CAPZA2: variants seen among roughly 807,000 people sequenced by gnomAD.
CAPZA2 encodes the protein F-actin-capping protein subunit alpha-2.
In CAPZA2, 13 loss-of-function variants were observed where a neutral mutation model predicts 44.0. The observed-to-expected ratio is 0.30, with a 90% CI of 0.19 to 0.47. CAPZA2 has a LOEUF of 0.47. Ranked by LOEUF, CAPZA2 falls within the 20% of genes least tolerant of loss-of-function variation. The pLI is 1.00. For missense variants in CAPZA2, 244 were observed against 338.6 expected, an observed-to-expected ratio of 0.72 and a Z score of 2.19; for synonymous variants, 94 against 108.2, an observed-to-expected ratio of 0.87 and a Z score of 0.81.
chr7:116,868,569 C>G (rs1328854370), intron 1 of CAPZA2, among the ~76,000 whole-genome samples: 1 of 152,060 alleles, frequency 6.6e-6, no homozygotes, highest in Non-Finnish European at 1.5e-5. Flanking sequence ...CCTGTCTGTA[C>G]TAAAAGTACA....
intron 1 of CAPZA2, among the ~76,000 whole-genome samples, chr7:116,883,918 A>G (rs1181405310): frequency 6.6e-6 from 1 of 152,226 alleles, no homozygotes; most frequent in Non-Finnish European, 1.5e-5. Flanking sequence ...TGTATAAGTC[A>G]TTAGGAGTAT....
At chr7:116,863,264 C>G (rs564659273) in intron 1 of CAPZA2, among the ~76,000 whole-genome samples, 26 of 152,228 alleles carry the variant, frequency 1.7e-4, no homozygotes, top group African/African-American at 6.3e-4. Context: ...TCTTTCCTTT[C>G]GTGGCTCTAG....
rs867044224 is a variant in CAPZA2 at position 116,890,595 on chromosome 7, T to C, written c.104-2399T>C. On this transcript the variant is annotated intron_variant, in intron 2 of 9. Transcript: ENST00000361183. ...ACATATATATATATATATATATATATATACACACACACACACACATATATA... is the reference window on the plus strand; with the variant it reads ...ACATATATATATATATATATATATACATACACACACACACACACATATATA... Among the ~76,000 whole-genome samples the C allele has an allele frequency of 9.4e-4, 45 of 47,984 alleles. 1 individual carries two copies. The highest frequency in any genetic ancestry group is 1.3e-3 in the East Asian group (2 of 1,590). The allele number at this position is 47,984 out of a possible 152,430, so 31.5% of individuals were successfully genotyped here. A position where few individuals can be genotyped will look rare whatever the true frequency, so the allele number is the denominator to read the frequency against.
At chr7:116,916,598 C>T (rs533688573) in intron 9 of CAPZA2, among the ~76,000 whole-genome samples, 1 of 152,258 alleles carries the variant, frequency 6.6e-6, no homozygotes, top group Admixed American at 6.5e-5. Context: ...TGCACTCCAG[C>T]CTGGTGACAG....
intron 3 of CAPZA2, among the ~76,000 whole-genome samples, chr7:116,895,581 T>G (rs1386132926): frequency 6.6e-6 from 1 of 152,068 alleles, no homozygotes; most frequent in African/African-American, 2.4e-5. Flanking sequence ...GCTTATAGTA[T>G]GACCCTCAGA....
intron 6 of CAPZA2, 198 bp downstream of exon 6, chr7:116,906,540 G>A: frequency 1.1e-6 from 1 of 894,754 alleles, no homozygotes; most frequent in East Asian, 3.1e-5. Context: ...TAAATCTGTT[G>A]ACATTCAGTG....
intron 4 of CAPZA2, among the ~76,000 whole-genome samples, chr7:116,902,080 T>G (rs565655783): frequency 6.6e-6 from 1 of 152,214 alleles, no homozygotes; most frequent in South Asian, 2.1e-4. Flanking sequence ...AACCAGAATT[T>G]AGTCTCAGAA....
rs577872962 is a variant in CAPZA2, at chr7:116,871,065, T to G, written c.39+8415T>G. Reference sequence around the variant, plus strand: ...CAGCTCCAGAGATTATATAGAGATTTGAGAATCCTCTTTTTGTGGGTTAAA... The same window carrying G: ...CAGCTCCAGAGATTATATAGAGATTGGAGAATCCTCTTTTTGTGGGTTAAA... On this transcript the variant is annotated intron_variant, in intron 1 of 9. Transcript: ENST00000361183. Among the ~76,000 whole-genome samples the G allele has an allele frequency of 1.0e-3, 159 of 152,296 alleles. 1 individual carries two copies. The highest frequency in any genetic ancestry group is 3.5e-3 in the African/African-American group (147 of 41,544).
At position 116,921,592 on chromosome 7, in the gene CAPZA2, A is replaced by C. The variant is rs1167696269; in HGVS notation, c.*3725A>C. On this transcript the variant is annotated 3_prime_UTR_variant, in exon 10 of 10. Transcript: ENST00000361183. ...CAGCTACTCAGGAGGCTGAGGCAGG[A>C]GAATCTTTGAACCCAGGAAGTGACA... The C allele has an allele frequency of 9.2e-5, 14 of 152,306 alleles. No individual in the cohort carries two copies. The highest frequency in any genetic ancestry group is 9.2e-4 in the Admixed American group (14 of 15,282). The allele number at this position is 152,306 out of a possible 1,614,324, so 9.4% of individuals were successfully genotyped here. A position where few individuals can be genotyped will look rare whatever the true frequency, so the allele number is the denominator to read the frequency against.
rs922094474 is a variant in CAPZA2, at chr7:116,920,753, A to G, written c.*2886A>G. 1.3e-5 allele frequency: 2 copies of G among 152,372 alleles called. No individual in the cohort carries two copies. Among genetic ancestry groups the G allele is most frequent in the Non-Finnish European group, 1.5e-5 (1 of 68,162 alleles). 9.4% of individuals were successfully genotyped at this position (152,372 alleles called of 1,614,324 possible). The stretch of plus-strand genomic sequence containing the variant: ...AATGGGAAAGTGCATGAACCTGGAA[A>G]CAATTTTATAGGCAGACAGGATGAA... On this transcript the variant is annotated 3_prime_UTR_variant, in exon 10 of 10. Coordinates refer to ENST00000361183, the MANE Select transcript of CAPZA2 (RefSeq NM_006136.3).
chr7:116,871,009 C>T (rs1010770907), intron 1 of CAPZA2, among the ~76,000 whole-genome samples: 1 of 151,950 alleles, frequency 6.6e-6, no homozygotes, highest in Non-Finnish European at 1.5e-5. Context: ...CTAGCAGATA[C>T]GGAGATAGAG....
At chr7:116,877,361 A>G (rs1796635765) in intron 1 of CAPZA2, among the ~76,000 whole-genome samples, 1 of 152,226 alleles carries the variant, frequency 6.6e-6, no homozygotes. Context: ...GTGCAGTTTC[A>G]CCACAGTAGA....
At chr7:116,873,431 A>T (rs1796577183) in intron 1 of CAPZA2, 1 of 152,054 alleles carries the variant, frequency 6.6e-6, no homozygotes, top group East Asian at 1.9e-4. Flanking sequence ...AATTTTTTTT[A>T]ATTTTTGTTA....
chr7:116,904,983 A>AAAAAAAAAAC (rs1661267653), intron 5 of CAPZA2, among the ~76,000 whole-genome samples: 2 of 149,944 alleles, frequency 1.3e-5, no homozygotes, highest in South Asian at 4.2e-4. Flanking sequence ...AAAAAAAAAA[A>AAAAAAAAAAC]AAAAAACAAT....
chr7:116,916,967 G>A (rs1299118201), intron 9 of CAPZA2, among the ~76,000 whole-genome samples: 5 of 152,088 alleles, frequency 3.3e-5, no homozygotes, highest in African/African-American at 9.7e-5. Flanking sequence ...AATTCAGGCT[G>A]TGTCTTAGCA....
Position 116,899,796 on chromosome 7 carries a change from C to T in CAPZA2, c.219+961C>T, listed in dbSNP as rs566602335. Among the ~76,000 whole-genome samples, 13 of 150,964 alleles carry T rather than the reference C, an allele frequency of 8.6e-5. No homozygotes were observed. In the South Asian group the frequency reaches 2.7e-3, roughly 32 times the overall value. The stretch of plus-strand genomic sequence containing the variant: ...GTGTCTTTTAAAAATGTTAGATAGC[C>T]TCCAAAGTCACTTTATGAACCTAGT... On this transcript the variant is annotated intron_variant, in intron 4 of 9. Transcript: ENST00000361183.
chr7:116,904,337 C>T lies in CAPZA2; in HGVS notation c.380C>T (p.Ala127Val). 5.6e-6 allele frequency: 9 copies of T among 1,613,670 alleles called. No homozygotes were observed. Among genetic ancestry groups the T allele is most frequent in the Non-Finnish European group, 7.6e-6 (9 of 1,179,650 alleles). The change falls in exon 5 of 10, where the codon GCT (alanine) becomes GTT (valine). Residue 127 changes from alanine (A) to valine (V), a missense_variant. Physicochemically the swap from Ala to Val is moderately conservative, Grantham distance 64 (BLOSUM62 0). Coordinates refer to ENST00000361183, the MANE Select transcript of CAPZA2 (RefSeq NM_006136.3). The part of the protein sequence containing the change: ...VESWRTSVET[A>V]LRAYVKEHYP... ...TCATGGAGAACTTCAGTAGAAACTG[C>T]TCTGAGAGCTTACGTAAAAGAACAT...
chr7:116,894,870 T>A (rs1378266543), intron 3 of CAPZA2, among the ~76,000 whole-genome samples: 1 of 152,182 alleles, frequency 6.6e-6, no homozygotes, highest in Non-Finnish European at 1.5e-5. Flanking sequence ...GTTGTATCTG[T>A]ATAGCACATT....
chr7:116,889,912 C>T (rs961033936), intron 2 of CAPZA2, among the ~76,000 whole-genome samples: 1 of 152,168 alleles, frequency 6.6e-6, no homozygotes, highest in Non-Finnish European at 1.5e-5. Flanking sequence ...TAAGATTTCA[C>T]TTCTTTTTTA....
Sources: gnomAD v4.1 joint callset for allele counts (sites outside exome capture counted in the v4.1 genomes callset) on GRCh38, gnomAD v4.1.1 for gene constraint, MANE v1.5 for transcripts, NCBI Gene and HGNC (gene_info 2026-07-23, HGNC 2026-07-21) for gene names.